MTCL1: variants seen among roughly 807,000 people sequenced by gnomAD.
MTCL1 encodes microtubule crosslinking factor 1.
MTCL1 carries 79 observed loss-of-function variants against 141.4 expected under a neutral mutation model. The ratio of observed to expected loss-of-function variants is 0.56; its 90% CI spans 0.47 to 0.67. The LOEUF is 0.67. Ranked by LOEUF, MTCL1 falls within the 30% of genes least tolerant of loss-of-function variation. MTCL1 has a pLI of 0.00. For missense variants in MTCL1, 2,177 were observed against 2,113.9 expected (o/e 1.03, Z -0.59); for synonymous variants, 914 against 875.8 (o/e 1.04, Z -0.77).
At chr18:8,765,049 G>A (rs1430112276) in intron 4 of MTCL1, among the ~76,000 whole-genome samples, 2 of 152,208 alleles carry the variant, frequency 1.3e-5, no homozygotes, top group Non-Finnish European at 2.9e-5. Context: ...GCTTGAACTT[G>A]TGGCAAGAAG....
chr18:8,723,956 GA>G (rs35841067), intron 4 of MTCL1, among the ~76,000 whole-genome samples: 61,758 of 151,892 alleles, frequency 0.41, 13,465 homozygotes, highest in Admixed American at 0.53. Context: ...CATATAGACG[GA>G]AAACAGATTC....
chr18:8,821,278 T>C (rs528687595), intron 13 of MTCL1, among the ~76,000 whole-genome samples, 189 bp from the exon 13 acceptor site: 1 of 152,320 alleles, frequency 6.6e-6, no homozygotes, highest in Admixed American at 6.5e-5. Context: ...CATCATGCTG[T>C]GGACTCGCTT....
chr18:8,753,798 C>T (rs531105944), intron 4 of MTCL1, among the ~76,000 whole-genome samples: 31 of 152,228 alleles, frequency 2.0e-4, no homozygotes, highest in African/African-American at 7.2e-4. Context: ...CTTGCATTCA[C>T]GACACACCCA....
chr18:8,741,245 T>G (rs943894803), intron 4 of MTCL1, among the ~76,000 whole-genome samples: 9 of 152,240 alleles, frequency 5.9e-5, no homozygotes, highest in Non-Finnish European at 1.3e-4. Flanking sequence ...TACAGTGTGT[T>G]AATTACTCAG....
chr18:8,783,287 T>G (rs2096538890), intron 5 of MTCL1, among the ~76,000 whole-genome samples: 1 of 152,152 alleles, frequency 6.6e-6, no homozygotes, highest in African/African-American at 2.4e-5. Context: ...AATTTTTTTT[T>G]GTTTCTTTTG....
intron 4 of MTCL1, among the ~76,000 whole-genome samples, chr18:8,770,322 G>T (rs1375211979): frequency 1.3e-5 from 2 of 152,216 alleles, no homozygotes; most frequent in Non-Finnish European, 2.9e-5. Context: ...GTCTTAGTCA[G>T]CTTGGGCTGC....
intron 7 of MTCL1, among the ~76,000 whole-genome samples, chr18:8,788,966 A>G (rs1482938973): frequency 2.6e-5 from 4 of 152,210 alleles, no homozygotes; most frequent in East Asian, 1.9e-4. Flanking sequence ...ATGTGAGACA[A>G]TCACATTTGT....
At chr18:8,756,041 G>A (rs935766798) in intron 4 of MTCL1, among the ~76,000 whole-genome samples, 1 of 152,228 alleles carries the variant, frequency 6.6e-6, no homozygotes, top group Non-Finnish European at 1.5e-5. Flanking sequence ...GGAGGCTGAG[G>A]TGGGAGGATT....
rs748729444 is a variant in MTCL1 at position 8,783,617 on chromosome 18, G to A, written c.505G>A (p.Glu169Lys). 15 of 1,613,602 alleles carry A rather than the reference G, an allele frequency of 9.3e-6. No individual in the cohort carries two copies. The Admixed American group carries it at 1.0e-4, about 11-fold the overall frequency. Residue 169 changes from glutamate to lysine, a missense_variant, in exon 6 of 17, where the codon GAG (glutamate) becomes AAG (lysine). Glu to Lys is a moderately conservative substitution (Grantham distance 56). Transcript: ENST00000359865. ...CAAAAAGATGGCCAAGCTAGGAAGG[G>A]AGAAGGACGAGCTGGAGCAGGAGCT... is the stretch of plus-strand genomic sequence containing the variant.
chr18:8,715,531 AACAT>A (rs1362961094), upstream of MTCL1, among the ~76,000 whole-genome samples: 1 of 152,202 alleles, frequency 6.6e-6, no homozygotes, highest in Non-Finnish European at 1.5e-5. Flanking sequence ...CTTAGTGTTG[AACAT>A]TTAGTGATTA....
intron 4 of MTCL1, among the ~76,000 whole-genome samples, chr18:8,745,283 T>C (rs1235345703): frequency 6.6e-6 from 1 of 152,238 alleles, no homozygotes; most frequent in East Asian, 1.9e-4. Context: ...TTAATGGTGT[T>C]AATTTTTTTC....
At chr18:8,819,384 G>T in intron 13 of MTCL1, 125 bp downstream of exon 12, 1 of 919,060 alleles carries the variant, frequency 1.1e-6, no homozygotes, top group Non-Finnish European at 1.6e-6. Flanking sequence ...AGCAACCTCC[G>T]AATTGAGTAA....
At chr18:8,825,769 G>C (rs146773283) in exon 15 of MTCL1, 1 of 1,614,088 alleles carries the variant, frequency 6.2e-7, no homozygotes, top group African/African-American at 1.3e-5. Context: ...AAAGGGTACA[G>C]TGAGTCAGCC....
exon 6 of MTCL1, chr18:8,783,625 C>T (rs773796515): frequency 2.0e-5 from 33 of 1,613,400 alleles, no homozygotes; most frequent in East Asian, 4.5e-5. Context: ...GGGAGAAGGA[C>T]GAGCTGGAGC....
intron 4 of MTCL1, among the ~76,000 whole-genome samples, chr18:8,730,719 C>A (rs1041209223): frequency 6.6e-6 from 1 of 152,152 alleles, no homozygotes; most frequent in Non-Finnish European, 1.5e-5. Flanking sequence ...CCTTTTAGGG[C>A]AGATTATGGC....
At position 8,721,080 on chromosome 18, in the gene MTCL1, T is replaced by C. The variant is rs539797036; in HGVS notation, c.357+584T>C. On this transcript the variant is annotated intron_variant, in intron 4 of 16. Transcript: ENST00000359865. ...TTTTCTAGCAAAGTAGTCTGGAAAA[T>C]GAATATATATTTTTTTCATTTGCAT... Among the ~76,000 whole-genome samples the C allele has an allele frequency of 3.3e-5, 5 of 152,284 alleles. No individual in the cohort carries two copies. The East Asian group carries it at 9.6e-4, about 29-fold the overall frequency.
At chr18:8,762,843 G>T (rs562811789) in intron 4 of MTCL1, among the ~76,000 whole-genome samples, 1 of 152,202 alleles carries the variant, frequency 6.6e-6, no homozygotes, top group Non-Finnish European at 1.5e-5. Context: ...GGAGATGAGC[G>T]TGAGAGCACG....
chr18:8,783,544 T>C (rs751549117), exon 6 of MTCL1: 1 of 1,602,672 alleles, frequency 6.2e-7, no homozygotes, highest in Non-Finnish European at 8.5e-7. Flanking sequence ...ACAGTGCCGA[T>C]TTGAGGTGCC....
At chr18:8,751,975 T>G (rs906368504) in intron 4 of MTCL1, among the ~76,000 whole-genome samples, 6 of 152,226 alleles carry the variant, frequency 3.9e-5, no homozygotes, top group African/African-American at 1.4e-4. Flanking sequence ...AATTTTAGCA[T>G]GTTTGGACAT....
Sources: gnomAD v4.1 joint callset for allele counts (sites outside exome capture counted in the v4.1 genomes callset) on GRCh38, gnomAD v4.1.1 for gene constraint, MANE v1.5 for transcripts, NCBI Gene and HGNC (gene_info 2026-07-23, HGNC 2026-07-21) for gene names.